The following SPOCK1 variants were observed in gnomAD, a reference collection of about 807,000 sequenced individuals.
SPOCK1 encodes the protein SPARC (osteonectin), cwcv and kazal like domains proteoglycan 1, also known as testican-1.
SPOCK1 carries 23 observed loss-of-function variants against 55.3 expected under a neutral mutation model. The ratio of observed to expected loss-of-function variants is 0.42; its 90% CI spans 0.30 to 0.59. The LOEUF (loss-of-function observed/expected upper bound fraction) is 0.59. Among genes scored for constraint, SPOCK1 ranks in the 20% least tolerant of loss-of-function variants. The probability of loss-of-function intolerance (pLI) is 0.22; values close to 1 mark genes in which losing one functional copy is unlikely to be tolerated. For missense variants in SPOCK1, 499 were observed against 552.5 expected (o/e 0.90, Z 0.97); for synonymous variants, 226 against 221.0 (o/e 1.02, Z -0.20).
At chr5:137,071,304 T>C (rs1372975811) in intron 5 of SPOCK1, among the ~76,000 whole-genome samples, 2 of 152,138 alleles carry the variant, frequency 1.3e-5, no homozygotes, top group Non-Finnish European at 2.9e-5. Context: ...ATAATTCCAT[T>C]TTTTATAAAG....
intron 6 of SPOCK1, among the ~76,000 whole-genome samples, chr5:137,056,965 A>G (rs1465046876): frequency 3.3e-5 from 5 of 152,152 alleles, no homozygotes; most frequent in Non-Finnish European, 7.4e-5. Context: ...ACCTGCCTCC[A>G]GGAAGACCTG....
At chr5:137,161,645 A>G (rs1438891580) in intron 3 of SPOCK1, among the ~76,000 whole-genome samples, 1 of 152,184 alleles carries the variant, frequency 6.6e-6, no homozygotes, top group Non-Finnish European at 1.5e-5. Context: ...CAGAGCAGCC[A>G]GTACCATACT....
At chr5:137,291,621 G>A (rs1011227574) in intron 2 of SPOCK1, among the ~76,000 whole-genome samples, 5 of 152,164 alleles carry the variant, frequency 3.3e-5, no homozygotes, top group African/African-American at 4.8e-5. Context: ...AGCAAATAAC[G>A]GAGCTCCCTT....
chr5:137,088,005 T>C (rs1450960463), intron 5 of SPOCK1, among the ~76,000 whole-genome samples: 1 of 152,140 alleles, frequency 6.6e-6, no homozygotes, highest in Non-Finnish European at 1.5e-5. Flanking sequence ...TAGGTGGAAG[T>C]GGGGAGACTT....
At chr5:136,986,768 A>C (rs1369075253) in intron 8 of SPOCK1, among the ~76,000 whole-genome samples, 1 of 152,158 alleles carries the variant, frequency 6.6e-6, no homozygotes, top group Non-Finnish European at 1.5e-5. Context: ...TTAGAACAAA[A>C]TTTCAAAATT....
intron 2 of SPOCK1, among the ~76,000 whole-genome samples, chr5:137,486,601 C>T (rs1215572654): frequency 6.6e-6 from 1 of 152,168 alleles, no homozygotes; most frequent in Non-Finnish European, 1.5e-5. Flanking sequence ...CACGAATAAA[C>T]AAAACCTACT....
At chr5:137,489,361 T>A (rs551145959) in intron 2 of SPOCK1, among the ~76,000 whole-genome samples, 1 of 152,194 alleles carries the variant, frequency 6.6e-6, no homozygotes, top group African/African-American at 2.4e-5. Context: ...TTTTAAAATA[T>A]AAACTCCACA....
At chr5:137,217,039 T>G (rs1053652838) in intron 3 of SPOCK1, among the ~76,000 whole-genome samples, 2 of 151,600 alleles carry the variant, frequency 1.3e-5, no homozygotes, top group Non-Finnish European at 1.5e-5. Flanking sequence ...GAGAAGGGAG[T>G]GGAGAGCTCA....
chr5:137,361,911 C>T (rs1727693703), intron 2 of SPOCK1, among the ~76,000 whole-genome samples: 1 of 152,190 alleles, frequency 6.6e-6, no homozygotes, highest in African/African-American at 2.4e-5. Context: ...CCCAATTTCC[C>T]AGAAGCATGA....
At chr5:137,328,188 A>G (rs766295311) in intron 2 of SPOCK1, among the ~76,000 whole-genome samples, 8 of 152,182 alleles carry the variant, frequency 5.3e-5, no homozygotes, top group Non-Finnish European at 1.2e-4. Flanking sequence ...ATTCTGTAGA[A>G]TCTGTACATC....
chr5:137,177,858 A>G (rs143258593), intron 3 of SPOCK1, among the ~76,000 whole-genome samples: 14 of 152,132 alleles, frequency 9.2e-5, no homozygotes, highest in African/African-American at 3.4e-4. Context: ...TCAACCAAAA[A>G]GCTTTCCAAG....
At chr5:137,009,740 A>T (rs1476986071) in intron 6 of SPOCK1, among the ~76,000 whole-genome samples, 2 of 152,194 alleles carry the variant, frequency 1.3e-5, no homozygotes, top group African/African-American at 4.8e-5. Context: ...TTTTTAATCA[A>T]CACAATCTGT....
chr5:137,174,391 A>G lies in SPOCK1; in HGVS notation c.233-33697T>C, dbSNP rs150993024. Reference sequence around the variant, plus strand: ...AAAATTGGCTTTCATATGCTTCAAGACAATTACTAGATCTCCCTGCAGGCT... The same window carrying G: ...AAAATTGGCTTTCATATGCTTCAAGGCAATTACTAGATCTCCCTGCAGGCT... On this transcript the variant is annotated intron_variant, in intron 3 of 10. Transcript: ENST00000394945. Among the ~76,000 whole-genome samples the G allele has an allele frequency of 2.5e-3, 378 of 152,342 alleles. 1 individual carries two copies. The highest frequency in any genetic ancestry group is 8.7e-3 in the African/African-American group (360 of 41,588).
At chr5:137,167,704 G>T (rs192868650) in intron 3 of SPOCK1, among the ~76,000 whole-genome samples, 2 of 151,908 alleles carry the variant, frequency 1.3e-5, no homozygotes, top group African/African-American at 4.8e-5. Flanking sequence ...TAAACAATAC[G>T]CTCCTGAATG....
At chr5:137,300,481 A>G (rs1158632001) in intron 2 of SPOCK1, among the ~76,000 whole-genome samples, 1 of 152,084 alleles carries the variant, frequency 6.6e-6, no homozygotes, top group Non-Finnish European at 1.5e-5. Flanking sequence ...AGGTTCTTTT[A>G]TCTTTCTTTT....
intron 2 of SPOCK1, among the ~76,000 whole-genome samples, chr5:137,302,664 A>G (rs937891099): frequency 8.5e-5 from 13 of 152,080 alleles, no homozygotes; most frequent in Admixed American, 8.5e-4. Context: ...ACCCAACTAT[A>G]TTTCTTCTCC....
At chr5:137,119,030 C>T (rs937174469) in intron 4 of SPOCK1, among the ~76,000 whole-genome samples, 4 of 152,052 alleles carry the variant, frequency 2.6e-5, no homozygotes, top group Non-Finnish European at 4.4e-5. Context: ...TTTTACAGAT[C>T]GAAAAAATAA....
At chr5:137,343,951 T>G (rs1488653908) in intron 2 of SPOCK1, among the ~76,000 whole-genome samples, 1 of 152,104 alleles carries the variant, frequency 6.6e-6, no homozygotes, top group Non-Finnish European at 1.5e-5. Flanking sequence ...GATCAGCAAG[T>G]TTCATTTAAC....
At chr5:137,226,736 C>T (rs1755954560) in intron 3 of SPOCK1, among the ~76,000 whole-genome samples, 1 of 152,170 alleles carries the variant, frequency 6.6e-6, no homozygotes, top group South Asian at 2.1e-4. Flanking sequence ...TGGAAGATGG[C>T]CCTCCCCTGC....
Sources: allele counts gnomAD v4.1 joint callset (sites outside exome capture counted in the v4.1 genomes callset), GRCh38; gene constraint gnomAD v4.1.1; transcripts MANE v1.5; gene names NCBI Gene and HGNC (gene_info 2026-07-23, HGNC 2026-07-21).